ZCCHC14: variants seen among roughly 807,000 people sequenced by gnomAD.
ZCCHC14 encodes zinc finger CCHC-type containing 14.
In ZCCHC14, 16 loss-of-function variants were observed where a neutral mutation model predicts 85.0. The ratio of observed to expected loss-of-function variants is 0.19; its 90% CI spans 0.13 to 0.29. The LOEUF is 0.29. ZCCHC14 is among the 10% of genes least tolerant of loss of function. The pLI, the probability that ZCCHC14 is intolerant of heterozygous loss-of-function variation, is 1.00. For missense variants in ZCCHC14, 1,303 were observed against 1,443.5 expected (o/e 0.90, Z 1.58); for synonymous variants, 775 against 630.7 (o/e 1.23, Z -3.43).
chr16:87,421,052 T>C (rs1347190604), intron 4 of ZCCHC14, among the ~76,000 whole-genome samples: 2 of 152,220 alleles, frequency 1.3e-5, no homozygotes, highest in Non-Finnish European at 2.9e-5. Context: ...AAGGCCCTGG[T>C]GGCTGCCACA....
intron 4 of ZCCHC14, among the ~76,000 whole-genome samples, chr16:87,421,960 CTA>C (rs1019004073): frequency 1.3e-5 from 2 of 151,964 alleles, no homozygotes; most frequent in Non-Finnish European, 2.9e-5. Context: ...GGGGAAAAAA[CTA>C]TTGTCAAGAG....
chr16:87,418,096 G>A (rs760868006), intron 7 of ZCCHC14, among the ~76,000 whole-genome samples: 11 of 152,192 alleles, frequency 7.2e-5, no homozygotes, highest in Non-Finnish European at 1.6e-4. Flanking sequence ...TTCTGCTTTA[G>A]CTGCCAAGTT....
chr16:87,481,219 T>C (rs1366649424), intron 1 of ZCCHC14, among the ~76,000 whole-genome samples: 2 of 152,146 alleles, frequency 1.3e-5, no homozygotes, highest in African/African-American at 4.8e-5. Context: ...GTTGGGCACA[T>C]CAGTGTTATT....
intron 1 of ZCCHC14, among the ~76,000 whole-genome samples, chr16:87,466,819 G>C (rs1911541936): frequency 1.3e-5 from 2 of 152,190 alleles, no homozygotes; most frequent in Admixed American, 1.3e-4. Context: ...GCTGGAGAAA[G>C]TGAAGTTGTG....
chr16:87,419,494 G>A (rs886118705), intron 6 of ZCCHC14, among the ~76,000 whole-genome samples: 1 of 152,202 alleles, frequency 6.6e-6, no homozygotes, highest in Non-Finnish European at 1.5e-5. Context: ...GTAGACACGG[G>A]GTTTCACCAT....
intron 2 of ZCCHC14, among the ~76,000 whole-genome samples, chr16:87,457,420 C>T (rs1270339251): frequency 6.6e-6 from 1 of 152,140 alleles, no homozygotes; most frequent in Non-Finnish European, 1.5e-5. Flanking sequence ...CTCAGTTCTC[C>T]CATCTGTAAA....
chr16:87,491,713 G>A lies in ZCCHC14; in HGVS notation c.526C>T (p.Pro176Ser), dbSNP rs764098132. The A allele has an allele frequency of 7.2e-5, 111 of 1,533,970 alleles. No individual in the cohort carries two copies. Among genetic ancestry groups the A allele is most frequent in the Non-Finnish European group, 9.3e-5 (107 of 1,146,182 alleles). Residue 176 changes from proline to serine, a missense_variant, in exon 1 of 13, where the codon CCC becomes TCC. By Grantham distance (74) the Pro-to-Ser change is moderately conservative. Transcript: ENST00000671377. This position sits in a 1 kb window ranked among gnomAD's most constrained non-coding sequence, Gnocchi z 5.9. Reference sequence around the variant, plus strand: ...GTGGGCAGCGCGCCGCCCGGCCCGGGCGCGCCCTTGCCGCCGTGGCCCCCG... The same window carrying A: ...GTGGGCAGCGCGCCGCCCGGCCCGGACGCGCCCTTGCCGCCGTGGCCCCCG... Reference protein sequence around the residue: ...GGGGHGGKGAPGPGGALPTCP... With the variant: ...GGGGHGGKGASGPGGALPTCP...
intron 1 of ZCCHC14, among the ~76,000 whole-genome samples, chr16:87,467,853 G>A (rs1278130914): frequency 2.0e-5 from 3 of 152,088 alleles, no homozygotes; most frequent in Admixed American, 6.5e-5. Flanking sequence ...GGGTTTCACC[G>A]TGTTAGCCAG....
At chr16:87,415,969 T>C (rs1389798067) in intron 8 of ZCCHC14, among the ~76,000 whole-genome samples, 1 of 152,124 alleles carries the variant, frequency 6.6e-6, no homozygotes, top group Non-Finnish European at 1.5e-5. Flanking sequence ...CTCTGTCACC[T>C]AGGCTGGAGT....
intron 1 of ZCCHC14, among the ~76,000 whole-genome samples, chr16:87,481,734 G>A (rs1347257187): frequency 2.0e-5 from 3 of 152,176 alleles, no homozygotes; most frequent in Admixed American, 6.5e-5. Flanking sequence ...CTCTATGACA[G>A]GCCTGGGCCT....
intron 6 of ZCCHC14, among the ~76,000 whole-genome samples, chr16:87,419,289 C>T (rs1347384671): frequency 6.7e-6 from 1 of 149,628 alleles, no homozygotes; most frequent in Non-Finnish European, 1.5e-5. Context: ...CCACCACGCC[C>T]GGCTAATTTT....
intron 2 of ZCCHC14, among the ~76,000 whole-genome samples, chr16:87,440,320 A>C (rs1449296166): frequency 6.6e-6 from 1 of 151,928 alleles, no homozygotes; most frequent in South Asian, 2.1e-4. Context: ...GCACACCACC[A>C]CGCCTGGCTA....
chr16:87,435,922 T>C (rs1035447052), intron 2 of ZCCHC14, among the ~76,000 whole-genome samples: 4 of 152,284 alleles, frequency 2.6e-5, no homozygotes, highest in Admixed American at 1.3e-4. Context: ...TCAGTCAGAC[T>C]GTCAGCAAAT....
At chr16:87,469,502 G>T (rs1030709726) in intron 1 of ZCCHC14, among the ~76,000 whole-genome samples, 2 of 152,250 alleles carry the variant, frequency 1.3e-5, no homozygotes, top group Non-Finnish European at 2.9e-5. Flanking sequence ...GGCGGCCAGT[G>T]CTGGGTCCAC....
chr16:87,482,584 G>A (rs1451321048), intron 1 of ZCCHC14, among the ~76,000 whole-genome samples: 7 of 150,884 alleles, frequency 4.6e-5, no homozygotes, highest in Admixed American at 2.6e-4. Flanking sequence ...AAAAACGAAC[G>A]AGAGGTAAGA....
At chr16:87,432,395 G>A (rs1909707120) in intron 3 of ZCCHC14, among the ~76,000 whole-genome samples, 1 of 152,214 alleles carries the variant, frequency 6.6e-6, no homozygotes, top group Non-Finnish European at 1.5e-5. Context: ...TGTTCCTTAA[G>A]AGAAAGATTT....
At position 87,424,697 on chromosome 16, in the gene ZCCHC14, G is replaced by A. The variant is rs537909392; in HGVS notation, c.769-816C>T. On this transcript the variant is annotated intron_variant, in intron 3 of 12. Transcript: ENST00000671377. ...AAGCTGACTGAGGGGGAAGGAGAGCGTACTTTTTGCACATTAGAGGGAGTT... is the reference window on the plus strand; with the variant it reads ...AAGCTGACTGAGGGGGAAGGAGAGCATACTTTTTGCACATTAGAGGGAGTT... 1.4e-4 allele frequency among the ~76,000 whole-genome samples: 21 copies of A among 152,238 alleles called. No homozygotes were observed. In the South Asian group the frequency reaches 1.7e-3, roughly 12 times the overall value.
chr16:87,463,953 G>T (rs566235398), intron 1 of ZCCHC14, among the ~76,000 whole-genome samples: 1 of 152,304 alleles, frequency 6.6e-6, no homozygotes, highest in East Asian at 1.9e-4. Flanking sequence ...CTGAGTAACT[G>T]GGACCACAGG....
intron 1 of ZCCHC14, among the ~76,000 whole-genome samples, chr16:87,479,117 T>C (rs1000328825): frequency 6.6e-6 from 1 of 152,066 alleles, no homozygotes; most frequent in Admixed American, 6.5e-5. Context: ...ATTAGAGTCA[T>C]TAAGAAACCT....
Sources: gnomAD v4.1 joint callset for allele counts (sites outside exome capture counted in the v4.1 genomes callset) on GRCh38, gnomAD v4.1.1 for gene constraint, Gnocchi (gnomAD v3.1) non-coding constraint, MANE v1.5 for transcripts, NCBI Gene and HGNC (gene_info 2026-07-23, HGNC 2026-07-21) for gene names.